The following PCDHA2 variants were observed in gnomAD, a reference collection of about 807,000 sequenced individuals.
PCDHA2 encodes the protein protocadherin alpha-2.
Under a neutral mutation model 66.0 loss-of-function variants are expected in PCDHA2, and 58 were observed. That is an observed-to-expected ratio of 0.88 (90% confidence interval 0.71 to 1.09). The LOEUF is 1.09. Ranked by LOEUF, PCDHA2 falls within the 50% of genes least tolerant of loss-of-function variation. The pLI, the probability that PCDHA2 is intolerant of heterozygous loss-of-function variation, is 0.00. For synonymous variants in PCDHA2, 634 were observed against 554.0 expected, an observed-to-expected ratio of 1.14 and a Z score of -2.03; for missense variants, 1,267 against 1,242.3, an observed-to-expected ratio of 1.02 and a Z score of -0.30.
intron 1 of PCDHA2, chr5:140,858,271 C>A: frequency 6.3e-7 from 1 of 1,597,124 alleles, no homozygotes. Flanking sequence ...TGTGCTCTAG[C>A]GCGGTGGGGA....
chr5:140,838,334 G>A lies in PCDHA2; in HGVS notation c.2388+40982G>A, dbSNP rs2150288149. Among the ~76,000 whole-genome samples the A allele has an allele frequency of 6.8e-5, 10 of 146,222 alleles. 1 individual carries two copies. The South Asian group carries it at 1.1e-3, about 16-fold the overall frequency. On this transcript the variant is annotated intron_variant, in intron 1 of 3. Coordinates refer to ENST00000526136, the MANE Select transcript of PCDHA2 (RefSeq NM_018905.3). ...AAACAGAGTTTCACCATGTTGCCCCGGCTGGTCTCGAAATCTGGGACTCAA... is the reference window on the plus strand; with the variant it reads ...AAACAGAGTTTCACCATGTTGCCCCAGCTGGTCTCGAAATCTGGGACTCAA...
At chr5:140,843,257 C>T (rs146582216) in intron 1 of PCDHA2, 1 of 1,595,938 alleles carries the variant, frequency 6.3e-7, no homozygotes, top group African/African-American at 1.3e-5. Flanking sequence ...TCCGCGCCAC[C>T]GTCTGCTGGT....
At chr5:140,845,612 G>A (rs1234666681) in intron 1 of PCDHA2, among the ~76,000 whole-genome samples, 1 of 149,312 alleles carries the variant, frequency 6.7e-6, no homozygotes, top group Non-Finnish European at 1.5e-5. Flanking sequence ...TAAGTATTGT[G>A]GATTCTGAAG....
intron 1 of PCDHA2, chr5:140,857,853 A>G (rs782574851): frequency 1.3e-6 from 2 of 1,597,574 alleles, no homozygotes; most frequent in East Asian, 2.2e-5. Flanking sequence ...GACTCTGGAT[A>G]CAACGCGTGG....
chr5:140,830,228 C>T (rs1346700283), intron 1 of PCDHA2: 15 of 1,613,800 alleles, frequency 9.3e-6, no homozygotes, highest in Non-Finnish European at 1.3e-5. Flanking sequence ...CCTGCTGGTC[C>T]TCACGCTACT....
chr5:140,906,459 A>G (rs1217443805), intron 1 of PCDHA2, among the ~76,000 whole-genome samples: 1 of 152,236 alleles, frequency 6.6e-6, no homozygotes. Context: ...AAATGAAGAT[A>G]TTTTCTTAGT....
chr5:140,873,548 T>C lies in PCDHA2; in HGVS notation c.2388+76196T>C, dbSNP rs1434309989. ...GCATTCTATGGTATAAAATTATAAT[T>C]TCAATTTATTTTCTAGTTTGGTTGT... On this transcript the variant is annotated intron_variant, in intron 1 of 3. Coordinates refer to ENST00000526136, the MANE Select transcript of PCDHA2 (RefSeq NM_018905.3). Among the ~76,000 whole-genome samples, 5 of 151,990 alleles carry C rather than the reference T, an allele frequency of 3.3e-5. No individual in the cohort carries two copies. In the East Asian group the frequency reaches 7.7e-4, roughly 23 times the overall value.
intron 1 of PCDHA2, chr5:140,855,963 A>C (rs1291137660): frequency 1.4e-6 from 2 of 1,404,396 alleles, no homozygotes; most frequent in Non-Finnish European, 1.9e-6. Context: ...TAAAAAATAG[A>C]TATAAGAAAT....
intron 2 of PCDHA2, among the ~76,000 whole-genome samples, chr5:140,981,175 T>C (rs1350828084): frequency 6.6e-6 from 1 of 152,238 alleles, no homozygotes; most frequent in African/African-American, 2.4e-5. Context: ...TTCCCTCTAA[T>C]AGTTCAAGTT....
At chr5:140,978,770 A>G in intron 1 of PCDHA2, 179 bp from the exon 2 acceptor site, 3 of 956,466 alleles carry the variant, frequency 3.1e-6, no homozygotes, top group Non-Finnish European at 2.5e-6. Context: ...CTGATGAACT[A>G]ATTTTCTTCT....
chr5:140,945,183 A>G (rs1445694327), intron 1 of PCDHA2, among the ~76,000 whole-genome samples: 6 of 152,160 alleles, frequency 3.9e-5, no homozygotes, highest in Admixed American at 2.6e-4. Context: ...TAAATCAAGA[A>G]AACCATGCTA....
At chr5:140,941,347 T>G (rs246069) in intron 1 of PCDHA2, among the ~76,000 whole-genome samples, 2 of 130,422 alleles carry the variant, frequency 1.5e-5, no homozygotes, top group African/African-American at 5.9e-5. Context: ...GATGGAGTCT[T>G]GCTCTGTTGC....
At chr5:140,852,781 G>A (rs1213399832) in intron 1 of PCDHA2, 1 of 979,508 alleles carries the variant, frequency 1.0e-6, no homozygotes, top group African/African-American at 1.8e-5. Flanking sequence ...GATGTGAATA[G>A]AGGGATGCTA....
intron 1 of PCDHA2, chr5:140,864,371 G>C (rs1005201982): frequency 6.6e-6 from 1 of 151,926 alleles, no homozygotes; most frequent in Non-Finnish European, 1.5e-5. Context: ...TTCTATAATC[G>C]ATAAGTTTAT....
At chr5:140,959,826 T>C (rs2095512884) in intron 1 of PCDHA2, among the ~76,000 whole-genome samples, 1 of 152,224 alleles carries the variant, frequency 6.6e-6, no homozygotes, top group Non-Finnish European at 1.5e-5. Flanking sequence ...CACATGATAA[T>C]GTATTATGCC....
intron 1 of PCDHA2, among the ~76,000 whole-genome samples, chr5:140,892,640 T>C (rs1250881102): frequency 2.0e-5 from 3 of 152,208 alleles, no homozygotes; most frequent in Non-Finnish European, 4.4e-5. Flanking sequence ...ATTGTACATA[T>C]TTATAGGATA....
rs782041085 is a variant in PCDHA2, at chr5:140,807,640, G to A, written c.2388+10288G>A. 8.7e-6 allele frequency: 14 copies of A among 1,614,206 alleles called. No homozygotes were observed. The South Asian group carries it at 1.5e-4, about 18-fold the overall frequency. ...CGGAATCCAGGCCGCTTGACTCTCG[G>A]TTTCCACTAGAGGGCGCCTCGGATG... On this transcript the variant is annotated intron_variant, in intron 1 of 3. Coordinates refer to ENST00000526136, the MANE Select transcript of PCDHA2 (RefSeq NM_018905.3).
In PCDHA2 at chr5:140,843,667, A is replaced by G. The variant is rs143385524; in HGVS notation, c.2388+46315A>G. Reference sequence around the variant, plus strand: ...CCTGCCTTCCTCCTGATCTGGGATCAGTTGATGTAGGCGAAGAGCAAGATT... The same window carrying G: ...CCTGCCTTCCTCCTGATCTGGGATCGGTTGATGTAGGCGAAGAGCAAGATT... On this transcript the variant is annotated intron_variant, in intron 1 of 3. Coordinates refer to ENST00000526136, the MANE Select transcript of PCDHA2 (RefSeq NM_018905.3). The G allele has an allele frequency of 5.3e-5, 84 of 1,593,334 alleles. 5 individuals are homozygous for G. Among genetic ancestry groups the G allele is most frequent in the Non-Finnish European group, 6.5e-5 (76 of 1,163,092 alleles).
intron 1 of PCDHA2, chr5:140,836,213 G>A (rs2150255570): frequency 1.9e-6 from 3 of 1,613,848 alleles, no homozygotes; most frequent in Non-Finnish European, 2.5e-6. Flanking sequence ...TTTCGTATGA[G>A]TTGCAACCGG....
Sources: allele counts gnomAD v4.1 joint callset (sites outside exome capture counted in the v4.1 genomes callset), GRCh38; gene constraint gnomAD v4.1.1; transcripts MANE v1.5; gene names NCBI Gene and HGNC (gene_info 2026-07-23, HGNC 2026-07-21).